The following PARD3B variants were observed in gnomAD, a reference collection of about 807,000 sequenced individuals.
PARD3B encodes the protein partitioning defective 3 homolog B.
PARD3B carries 103 observed loss-of-function variants against 130.2 expected under a neutral mutation model. The ratio of observed to expected loss-of-function variants is 0.79; its 90% CI spans 0.67 to 0.93. The LOEUF (loss-of-function observed/expected upper bound fraction) is 0.93, where lower values mean the gene tolerates loss of function less well. Among genes scored for constraint, PARD3B ranks in the 40% least tolerant of loss-of-function variants. PARD3B has a pLI of 0.00. For synonymous variants in PARD3B, 583 were observed against 553.2 expected (o/e 1.05, Z -0.76); for missense variants, 1,609 against 1,499.2 (o/e 1.07, Z -1.21).
At chr2:204,600,136 T>C (rs923174332) in intron 1 of PARD3B, among the ~76,000 whole-genome samples, 10 of 151,912 alleles carry the variant, frequency 6.6e-5, no homozygotes, top group Non-Finnish European at 1.5e-4. Flanking sequence ...GCCTTTTTTC[T>C]CTGATTGTTT....
At chr2:205,166,555 G>C (rs1257125605) in intron 11 of PARD3B, among the ~76,000 whole-genome samples, 1 of 152,120 alleles carries the variant, frequency 6.6e-6, no homozygotes, top group East Asian at 1.9e-4. Flanking sequence ...TAAAAATCTT[G>C]ATTCATTCTT....
chr2:205,047,485 G>A (rs1336327273), intron 3 of PARD3B, 96 bp from the exon 4 acceptor site: 5 of 627,590 alleles, frequency 8.0e-6, no homozygotes, highest in African/African-American at 3.8e-5. Context: ...TTACATAAAA[G>A]CCTGTTGTAA....
intron 14 of PARD3B, among the ~76,000 whole-genome samples, chr2:205,189,410 A>G (rs2036272219): frequency 6.6e-6 from 1 of 152,158 alleles, no homozygotes; most frequent in Non-Finnish European, 1.5e-5. Flanking sequence ...TTACTTATTC[A>G]TTAGGCAGCA....
rs1162602767 is a variant in PARD3B, at chr2:205,302,029, G to A, written c.2630+328G>A. 4 of 553,466 alleles carry A rather than the reference G, an allele frequency of 7.2e-6. No homozygotes were observed. The Admixed American group carries it at 9.2e-5, about 13-fold the overall frequency. 34.3% of individuals were successfully genotyped at this position (553,466 alleles called of 1,614,324 possible). On this transcript the variant is annotated intron_variant, in intron 18 of 22. Coordinates refer to ENST00000406610, the MANE Select transcript of PARD3B (RefSeq NM_001302769.2). ...AGAGTTCAAGACCAGCCTGGGCAAGGTAGGGAGACCCTATTCTTTTTTTCT... is the reference window on the plus strand; with the variant it reads ...AGAGTTCAAGACCAGCCTGGGCAAGATAGGGAGACCCTATTCTTTTTTTCT...
At chr2:204,605,706 T>C (rs2033693520) in intron 1 of PARD3B, among the ~76,000 whole-genome samples, 1 of 152,174 alleles carries the variant, frequency 6.6e-6, no homozygotes, top group Non-Finnish European at 1.5e-5. Flanking sequence ...CTTGCTTTTG[T>C]CATCCGTAAA....
chr2:204,743,145 C>A (rs1430982409), intron 2 of PARD3B, among the ~76,000 whole-genome samples: 2 of 151,566 alleles, frequency 1.3e-5, no homozygotes, highest in African/African-American at 4.9e-5. Flanking sequence ...GTGTATGTAC[C>A]CAGAGTAGAT....
rs1169322400 is a variant in PARD3B at position 205,287,469 on chromosome 2, C to G, written c.2186-13061C>G. On this transcript the variant is annotated intron_variant, in intron 16 of 22. Coordinates refer to ENST00000406610, the MANE Select transcript of PARD3B (RefSeq NM_001302769.2). The surrounding 1 kb of genome is among the most constrained non-coding windows in gnomAD (Gnocchi z 4.8). ...CTGCCAGAAGCTCCAGGCTTAGATT[C>G]TCCCAGTAACCCCAGTAACAAAGAC... Among the ~76,000 whole-genome samples, 2 of 152,132 alleles carry G rather than the reference C, an allele frequency of 1.3e-5. No homozygotes were observed. The highest frequency in any genetic ancestry group is 2.4e-5 in the African/African-American group (1 of 41,418).
chr2:204,790,668 A>T (rs186238704), intron 2 of PARD3B, among the ~76,000 whole-genome samples: 13 of 152,332 alleles, frequency 8.5e-5, no homozygotes, highest in African/African-American at 3.1e-4. Context: ...ATAGCCAATT[A>T]CTATAACAGA....
At chr2:205,447,249 A>T (rs1575047442) in intron 20 of PARD3B, among the ~76,000 whole-genome samples, 1 of 152,172 alleles carries the variant, frequency 6.6e-6, no homozygotes, top group Non-Finnish European at 1.5e-5. Context: ...TTTGGAGACC[A>T]CTGGTCTCAG....
chr2:204,919,301 T>G (rs971842999), intron 2 of PARD3B, among the ~76,000 whole-genome samples: 1 of 152,196 alleles, frequency 6.6e-6, no homozygotes, highest in African/African-American at 2.4e-5. Flanking sequence ...CTCAAGAACT[T>G]TTGATGAGTT....
chr2:204,965,262 A>T lies in PARD3B; in HGVS notation c.333A>T (p.Gln111His). 1 of 1,613,900 alleles carries T rather than the reference A, an allele frequency of 6.2e-7. No homozygotes were observed. Among genetic ancestry groups the T allele is most frequent in the South Asian group, 1.1e-5 (1 of 91,066 alleles). The change falls in exon 3 of 23, where the codon CAA (glutamine) becomes CAT (histidine). Residue 111 changes from glutamine to histidine, a missense_variant. Coordinates refer to ENST00000406610, the MANE Select transcript of PARD3B (RefSeq NM_001302769.2). ...CTTTTGAGACAGAAGTGGCCGCCCA[A>T]CTGGCCGCATTTAAGCCAATTGGTG... ...PDAFETEVAAQLAAFKPIGGE... is the reference protein window; with the variant it reads ...PDAFETEVAAHLAAFKPIGGE...
chr2:204,886,852 G>A (rs762101157), intron 2 of PARD3B, among the ~76,000 whole-genome samples: 1 of 152,312 alleles, frequency 6.6e-6, no homozygotes. Flanking sequence ...CTGAGGGATT[G>A]TCAGACAGGT....
chr2:205,069,159 T>C (rs924759365), intron 4 of PARD3B, among the ~76,000 whole-genome samples: 1 of 152,122 alleles, frequency 6.6e-6, no homozygotes, highest in African/African-American at 2.4e-5. Flanking sequence ...AGGTTTTATC[T>C]TAAGTGTGCT....
intron 2 of PARD3B, among the ~76,000 whole-genome samples, chr2:204,816,983 T>C (rs2043171369): frequency 6.6e-6 from 1 of 152,092 alleles, no homozygotes; most frequent in African/African-American, 2.4e-5. Flanking sequence ...CTCACTCATC[T>C]TTTCCTTCTA....
intron 15 of PARD3B, among the ~76,000 whole-genome samples, chr2:205,211,913 A>G (rs1387343618): frequency 1.3e-5 from 2 of 152,098 alleles, no homozygotes; most frequent in African/African-American, 2.4e-5. Context: ...AAAGTAAAAC[A>G]AGGGGGTACC....
chr2:204,818,968 A>G (rs772981640), intron 2 of PARD3B, among the ~76,000 whole-genome samples: 2 of 152,304 alleles, frequency 1.3e-5, no homozygotes, highest in Non-Finnish European at 2.9e-5. Flanking sequence ...AGGTATAGAC[A>G]AGCATATGGG....
intron 18 of PARD3B, among the ~76,000 whole-genome samples, chr2:205,320,243 T>TGAAGGAAGGAAGGAAGGAAA (rs377033089): frequency 7.2e-5 from 10 of 139,462 alleles, no homozygotes; most frequent in African/African-American, 2.7e-4. Flanking sequence ...AAGGAAGGAA[T>TGAAGGAAGGAAGGAAGGAAA]GAAGGAAGGA....
chr2:205,030,649 C>T (rs1395806819), intron 3 of PARD3B, among the ~76,000 whole-genome samples: 1 of 152,100 alleles, frequency 6.6e-6, no homozygotes, highest in African/African-American at 2.4e-5. Flanking sequence ...CATTAAAAGA[C>T]TGTTTGATAC....
chr2:204,558,848 A>C (rs184742200), intron 1 of PARD3B, among the ~76,000 whole-genome samples: 1 of 152,232 alleles, frequency 6.6e-6, no homozygotes, highest in African/African-American at 2.4e-5. Flanking sequence ...ACAGAGATAT[A>C]GACCAATGGA....
Sources: allele counts gnomAD v4.1 joint callset (sites outside exome capture counted in the v4.1 genomes callset), GRCh38; gene constraint gnomAD v4.1.1; non-coding constraint Gnocchi (gnomAD v3.1); transcripts MANE v1.5; gene names NCBI Gene and HGNC (gene_info 2026-07-23, HGNC 2026-07-21).